Variants in CSPP1 observed in about 807,000 individuals in gnomAD.
The protein encoded by CSPP1 is centrosome and spindle pole associated protein 1.
In CSPP1, 126 loss-of-function variants were observed where a neutral mutation model predicts 164.4. That is an observed-to-expected ratio of 0.77 (90% confidence interval 0.66 to 0.89). CSPP1 has a LOEUF of 0.89. Among genes scored for constraint, CSPP1 ranks in the 40% least tolerant of loss-of-function variants. The probability of loss-of-function intolerance (pLI) is 0.00; values close to 1 mark genes in which losing one functional copy is unlikely to be tolerated. For synonymous variants in CSPP1, 472 were observed against 476.7 expected (o/e 0.99, Z 0.13); for missense variants, 1,395 against 1,449.8 (o/e 0.96, Z 0.61).
intron 28 of CSPP1, among the ~76,000 whole-genome samples, chr8:67,183,843 A>ATTTTTT (rs918103972): frequency 1.8e-5 from 2 of 108,182 alleles, no homozygotes; most frequent in East Asian, 2.4e-4. Context: ...AAAATTGGGA[A>ATTTTTT]TTTTTTTTTT....
rs1586650671 is a variant in CSPP1 at position 67,164,278 on chromosome 8, T to C, written c.2711-113T>C. ...ATATAAAATGTTAAAATATCTTTCA[T>C]AAAATTGTCTCTCTGAGCAGTTTCA... On this transcript the variant is annotated intron_variant, in intron 23 of 30. Coordinates refer to ENST00000678616, the MANE Select transcript of CSPP1 (RefSeq NM_001382391.1). 3.5e-5 allele frequency: 21 copies of C among 601,578 alleles called. No homozygotes were observed. In the East Asian group the frequency reaches 5.6e-4, roughly 16 times the overall value. The allele number at this position is 601,578 out of a possible 1,614,324, so 37.3% of individuals were successfully genotyped here.
At chr8:67,113,401 T>TA (rs1296464349) in intron 10 of CSPP1, among the ~76,000 whole-genome samples, 17 of 152,182 alleles carry the variant, frequency 1.1e-4, no homozygotes, top group Non-Finnish European at 2.1e-4. Flanking sequence ...ACATCATTTT[T>TA]AAAAAAACCC....
intron 1 of CSPP1, among the ~76,000 whole-genome samples, chr8:67,066,575 G>T (rs552850328): frequency 6.6e-6 from 1 of 151,808 alleles, no homozygotes; most frequent in African/African-American, 2.4e-5. Context: ...TCCAGCCTGG[G>T]TTCTATTCTG....
chr8:67,144,581 A>G (rs1031012123), intron 17 of CSPP1, among the ~76,000 whole-genome samples: 1 of 152,136 alleles, frequency 6.6e-6, no homozygotes, highest in African/African-American at 2.4e-5. Context: ...CTGGGACTAC[A>G]GTCATGTACC....
At chr8:67,128,115 A>C (rs549014000) in intron 15 of CSPP1, among the ~76,000 whole-genome samples, 1 of 152,258 alleles carries the variant, frequency 6.6e-6, no homozygotes, top group Non-Finnish European at 1.5e-5. Context: ...AACCACTAAA[A>C]GTATAGTAAC....
intron 19 of CSPP1, among the ~76,000 whole-genome samples, chr8:67,155,895 T>C (rs1195331947): frequency 6.6e-6 from 1 of 152,180 alleles, no homozygotes; most frequent in Non-Finnish European, 1.5e-5. Flanking sequence ...AAGTGCTTTT[T>C]AAGGTTCAGC....
intron 25 of CSPP1, chr8:67,175,084 G>A (rs1831293067): frequency 3.9e-6 from 2 of 507,884 alleles, no homozygotes; most frequent in African/African-American, 3.9e-5. Context: ...ATGTTGGTAA[G>A]TTTGTGAAAA....
At position 67,170,749 on chromosome 8, in the gene CSPP1, G is replaced by C. The variant is rs186552017; in HGVS notation, c.2829-1667G>C. Among the ~76,000 whole-genome samples, 10 of 152,060 alleles carry C rather than the reference G, an allele frequency of 6.6e-5. No homozygotes were observed. In the East Asian group the frequency reaches 1.7e-3, roughly 27 times the overall value. On this transcript the variant is annotated intron_variant, in intron 24 of 30. Coordinates refer to ENST00000678616, the MANE Select transcript of CSPP1 (RefSeq NM_001382391.1). ...ACGTTATAAATATGCTATATTTTAA[G>C]GTAAAGGATGGAACTAATAGAGCTG...
At chr8:67,117,031 T>C (rs545522784) in intron 13 of CSPP1, among the ~76,000 whole-genome samples, 106 of 152,176 alleles carry the variant, frequency 7.0e-4, no homozygotes, top group Non-Finnish European at 1.4e-3. Context: ...AATTAGGGAT[T>C]GAAATGGTTG....
intron 24 of CSPP1, among the ~76,000 whole-genome samples, chr8:67,171,679 G>A (rs1033768528): frequency 1.2e-4 from 18 of 145,922 alleles, no homozygotes; most frequent in African/African-American, 4.6e-4. Context: ...TCCCGAGTAG[G>A]TGGTACTACA....
rs551927723 is a variant in CSPP1 at position 67,130,465 on chromosome 8, A to C, written c.1698-1486A>C. 3.3e-5 allele frequency among the ~76,000 whole-genome samples: 5 copies of C among 152,288 alleles called. No individual in the cohort carries two copies. The South Asian group carries it at 1.0e-3, about 32-fold the overall frequency. On this transcript the variant is annotated intron_variant, in intron 15 of 30. Transcript: ENST00000678616. The stretch of plus-strand genomic sequence containing the variant: ...TAGACCCTCTCAACCTTCTTTATTC[A>C]TTTACACAAAGAGCCCCCTTGCTCT...
intron 27 of CSPP1, 23 bp downstream of exon 27, chr8:67,177,749 T>A: frequency 6.3e-7 from 1 of 1,585,022 alleles, no homozygotes; most frequent in Non-Finnish European, 8.7e-7. Flanking sequence ...TTACAATTTT[T>A]CAAGTTAGTT....
At chr8:67,184,028 T>G (rs1833729258) in intron 28 of CSPP1, among the ~76,000 whole-genome samples, 1 of 152,070 alleles carries the variant, frequency 6.6e-6, no homozygotes, top group Non-Finnish European at 1.5e-5. Flanking sequence ...AATTTTTGTA[T>G]TTTTAGTAGA....
At chr8:67,109,094 A>C (rs1308596311) in intron 9 of CSPP1, among the ~76,000 whole-genome samples, 8 of 152,196 alleles carry the variant, frequency 5.3e-5, no homozygotes, top group African/African-American at 1.9e-4. Context: ...TACTGAACAG[A>C]TCCTTTGTTA....
At chr8:67,069,276 C>A (rs1166273183) in intron 1 of CSPP1, 5 of 152,090 alleles carry the variant, frequency 3.3e-5, no homozygotes, top group Admixed American at 6.6e-5. Flanking sequence ...ATAATCTAAT[C>A]AGATTAGATA....
intron 15 of CSPP1, among the ~76,000 whole-genome samples, chr8:67,125,497 G>C (rs909363245): frequency 2.0e-5 from 3 of 151,992 alleles, no homozygotes; most frequent in Non-Finnish European, 4.4e-5. Context: ...CATCTAATTT[G>C]GGAAATTTTT....
At chr8:67,171,151 A>T (rs952776857) in intron 24 of CSPP1, among the ~76,000 whole-genome samples, 1 of 146,834 alleles carries the variant, frequency 6.8e-6, no homozygotes, top group Non-Finnish European at 1.5e-5. Flanking sequence ...CTGTAATCCC[A>T]GCACTTTGGG....
intron 22 of CSPP1, among the ~76,000 whole-genome samples, chr8:67,162,264 A>C (rs1828511413): frequency 6.6e-6 from 1 of 152,212 alleles, no homozygotes; most frequent in Non-Finnish European, 1.5e-5. Context: ...ATTTGCCTTG[A>C]AGAGGAGGGT....
intron 4 of CSPP1, among the ~76,000 whole-genome samples, chr8:67,087,869 C>A (rs1041709971): frequency 6.6e-6 from 1 of 152,202 alleles, no homozygotes; most frequent in African/African-American, 2.4e-5. Flanking sequence ...TAGAGACTCT[C>A]ATTGTGTTAA....
Sources: gnomAD v4.1 joint callset for allele counts (sites outside exome capture counted in the v4.1 genomes callset) on GRCh38, gnomAD v4.1.1 for gene constraint, MANE v1.5 for transcripts, NCBI Gene and HGNC (gene_info 2026-07-23, HGNC 2026-07-21) for gene names.